Variants in PLA2G4F observed in about 807,000 individuals in gnomAD.
The protein encoded by PLA2G4F is cytosolic phospholipase A2 zeta.
Under a neutral mutation model 103.1 loss-of-function variants are expected in PLA2G4F, and 105 were observed. The ratio of observed to expected loss-of-function variants is 1.02; its 90% CI spans 0.87 to 1.20. PLA2G4F has a LOEUF of 1.20. PLA2G4F is among the 50% of genes most tolerant of loss of function. The pLI is 0.00. For synonymous variants in PLA2G4F, 468 were observed against 441.1 expected (o/e 1.06, Z -0.76); for missense variants, 1,155 against 1,075.9 (o/e 1.07, Z -1.03).
rs758929008 is a variant in PLA2G4F, at chr15:42,149,708, C to T, written c.1059+5G>A. 1.5e-5 allele frequency: 24 copies of T among 1,614,076 alleles called. No individual in the cohort carries two copies. The highest frequency in any genetic ancestry group is 4.5e-5 in the East Asian group (2 of 44,874). ...CTGGGGTCCAGCTCCTCCTCCATTA[C>T]GTACCTGGCCACTGTCCAGAGCCTC... On this transcript the variant is annotated splice_donor_5th_base_variant and intron_variant, in intron 11 of 19. Coordinates refer to ENST00000397272, the MANE Select transcript of PLA2G4F (RefSeq NM_213600.4).
At position 42,140,955 on chromosome 15, in the gene PLA2G4F, G is replaced by C. The variant is rs2048822851; in HGVS notation, c.*1029C>G. On this transcript the variant is annotated 3_prime_UTR_variant, in exon 20 of 20. Transcript: ENST00000397272. Reference sequence around the variant, plus strand: ...ATCTGAGGGCTGCCCACACTAGAGAGGTTCTAGGTATTTGGAGAGTCCCTG... The same window carrying C: ...ATCTGAGGGCTGCCCACACTAGAGACGTTCTAGGTATTTGGAGAGTCCCTG... The C allele has an allele frequency of 3.2e-6, 1 of 315,650 alleles. No individual in the cohort carries two copies. Among genetic ancestry groups the C allele is most frequent in the South Asian group, 2.8e-5 (1 of 35,244 alleles). 19.6% of individuals were successfully genotyped at this position (315,650 alleles called of 1,614,324 possible).
rs1566880960 is a variant in PLA2G4F, at chr15:42,150,734, C to T, written c.645G>A (p.Lys215=). 3.7e-6 allele frequency: 6 copies of T among 1,611,698 alleles called. No individual in the cohort carries two copies. The African/African-American group carries it at 5.3e-5, about 14-fold the overall frequency. The change falls in exon 8 of 20, where the codon AAG becomes AAA. Residue 215 remains lysine (K), a synonymous_variant. Transcript: ENST00000397272. ...LQLAVPGAYE[K]PQLLPLQPPT... Reference sequence around the variant, plus strand: ...GAGGCTGCAGGGGCAAGAGCTGTGGCTTCTCGTAGGCTCCAGGCACTGCCA... The same window carrying T: ...GAGGCTGCAGGGGCAAGAGCTGTGGTTTCTCGTAGGCTCCAGGCACTGCCA...
At chr15:42,154,247 G>C (rs370591669) in intron 3 of PLA2G4F, 27 bp from the exon 4 acceptor site, 18 of 1,613,970 alleles carry the variant, frequency 1.1e-5, no homozygotes, top group Non-Finnish European at 1.4e-5. Context: ...CAGGAGGTCC[G>C]AGCATGAGGT....
At chr15:42,152,195 T>C (rs2048967925) in intron 7 of PLA2G4F, among the ~76,000 whole-genome samples, 1 of 152,228 alleles carries the variant, frequency 6.6e-6, no homozygotes, top group Non-Finnish European at 1.5e-5. Context: ...TACCCTGCCC[T>C]CCAGCTTTGA....
intron 2 of PLA2G4F, among the ~76,000 whole-genome samples, chr15:42,155,115 TCA>T (rs1029145939): frequency 3.3e-5 from 5 of 151,796 alleles, no homozygotes; most frequent in African/African-American, 4.8e-5. Context: ...ACACTCACGT[TCA>T]CACACACTCG....
At chr15:42,153,817 G>T (rs570354542) in intron 4 of PLA2G4F, among the ~76,000 whole-genome samples, 157 bp from the exon 5 acceptor site, 1 of 152,350 alleles carries the variant, frequency 6.6e-6, no homozygotes, top group Non-Finnish European at 1.5e-5. Flanking sequence ...TCTCCATGGA[G>T]AACCTCATTT....
At chr15:42,144,693 T>C in intron 16 of PLA2G4F, 49 bp from the exon 17 acceptor site, 1 of 1,498,196 alleles carries the variant, frequency 6.7e-7, no homozygotes, top group African/African-American at 1.4e-5. Flanking sequence ...GCATCCTCCT[T>C]TGCCCAGTGG....
In PLA2G4F at chr15:42,147,628, G is replaced by A. The variant is rs771318726; in HGVS notation, c.1194C>T (p.Thr398=). The A allele has an allele frequency of 1.2e-6, 2 of 1,613,934 alleles. No homozygotes were observed. Among genetic ancestry groups the A allele is most frequent in the South Asian group, 2.2e-5 (2 of 91,074 alleles). The change falls in exon 12 of 20, where the codon ACC becomes ACT. Residue 398 remains threonine, a splice_region_variant and synonymous_variant. Coordinates refer to ENST00000397272, the MANE Select transcript of PLA2G4F (RefSeq NM_213600.4). ...VTYLSGVSGS[T]WCISTLYRDP... ...TGCCCTGCCCCCACCTCACTTACCA[G>A]GTAGACCCAGAGACCCCACTCAGGT...
intron 4 of PLA2G4F, 38 bp downstream of exon 4, chr15:42,154,054 C>T: frequency 5.6e-6 from 9 of 1,613,128 alleles, no homozygotes; most frequent in Non-Finnish European, 7.6e-6. Flanking sequence ...GGCCTCCCCT[C>T]CTCCAGCTGG....
chr15:42,147,204 C>G lies in PLA2G4F; in HGVS notation c.1339G>C (p.Gly447Arg). The change falls in exon 13 of 20, where the codon GGG (glycine) becomes CGG (arginine). Residue 447 changes from glycine to arginine, a missense_variant. Physicochemically the swap from Gly to Arg is moderately radical, Grantham distance 125. Transcript: ENST00000397272. ...CTGTGGCCACTGCGCTCCCGGACCC[C>G]CAGTTCCTGAGTGTAGTACTGTAGC... is the stretch of plus-strand genomic sequence containing the variant. ...ERLQYYTQEL[G>R]VRERSGHSVS... 6.2e-7 allele frequency: 1 copy of G among 1,613,040 alleles called. No individual in the cohort carries two copies. The highest frequency in any genetic ancestry group is 8.5e-7 in the Non-Finnish European group (1 of 1,179,980).
rs1011022230 is a variant in PLA2G4F, at chr15:42,147,459, A to G, written c.1197-113T>C. ...CCCACCACTTGCACTGCTGCCCTGC[A>G]AACAACCCAACTCAGAGGGGCGCTT... is the stretch of plus-strand genomic sequence containing the variant. On this transcript the variant is annotated intron_variant, in intron 12 of 19. Transcript: ENST00000397272. 3 of 1,380,956 alleles carry G rather than the reference A, an allele frequency of 2.2e-6. No homozygotes were observed. In the African/African-American group the frequency reaches 4.3e-5, roughly 20 times the overall value. 85.5% of individuals were successfully genotyped at this position (1,380,956 alleles called of 1,614,324 possible).
chr15:42,147,417 G>A, intron 12 of PLA2G4F, 71 bp from the exon 13 acceptor site: 1 of 1,478,310 alleles, frequency 6.8e-7, no homozygotes, highest in East Asian at 2.3e-5. Context: ...TGCAGAGTCT[G>A]TGAGTGGCCC....
At chr15:42,150,203 T>TC in intron 9 of PLA2G4F, 62 bp from the exon 10 acceptor site, 3 of 1,607,644 alleles carry the variant, frequency 1.9e-6, no homozygotes, top group South Asian at 2.2e-5. Context: ...GGGAAATGGC[T>TC]CCCCCACCTG....
intron 7 of PLA2G4F, 115 bp downstream of exon 7, chr15:42,152,573 G>C: frequency 9.2e-7 from 1 of 1,087,616 alleles, no homozygotes; most frequent in South Asian, 1.3e-5. Context: ...ATCGTTAGTC[G>C]GCTTTGAGCA....
intron 10 of PLA2G4F, 120 bp downstream of exon 10, chr15:42,149,984 A>G (rs2048938203): frequency 1.3e-6 from 2 of 1,534,804 alleles, no homozygotes; most frequent in Admixed American, 1.7e-5. Context: ...CCAGGGAGGG[A>G]AAAATGTCAT....
At chr15:42,154,996 G>GCA (rs56721164) in intron 2 of PLA2G4F, among the ~76,000 whole-genome samples, 5 of 151,404 alleles carry the variant, frequency 3.3e-5, no homozygotes, top group African/African-American at 4.9e-5. Flanking sequence ...TCTCACACTG[G>GCA]CACACACACA....
chr15:42,142,338 C>A (rs996511405), intron 19 of PLA2G4F, 134 bp from the exon 20 acceptor site: 1 of 1,153,044 alleles, frequency 8.7e-7, no homozygotes, highest in Admixed American at 2.8e-5. Flanking sequence ...CATCTCAGCT[C>A]TCAGACCCCC....
chr15:42,143,050 G>A (rs1469691295), intron 18 of PLA2G4F, among the ~76,000 whole-genome samples: 1 of 151,666 alleles, frequency 6.6e-6, no homozygotes. Flanking sequence ...ATGGTGGTGT[G>A]TGCCTATAGT....
chr15:42,144,212 T>C (rs1487296379), intron 17 of PLA2G4F, 68 bp from the exon 18 acceptor site: 3 of 1,515,704 alleles, frequency 2.0e-6, no homozygotes. Flanking sequence ...GCTTCTGTAT[T>C]TGCATTCACG....
Sources: gnomAD v4.1 joint callset for allele counts (sites outside exome capture counted in the v4.1 genomes callset) on GRCh38, gnomAD v4.1.1 for gene constraint, MANE v1.5 for transcripts, NCBI Gene and HGNC (gene_info 2026-07-23, HGNC 2026-07-21) for gene names.